The following FBXL17 variants were observed in gnomAD, a reference collection of about 807,000 sequenced individuals.
FBXL17 encodes the protein F-box and leucine rich repeat protein 17.
A neutral mutation model predicts 66.2 loss-of-function variants in FBXL17; 22 were observed. The observed-to-expected ratio is 0.33, with a 90% CI of 0.24 to 0.47. The LOEUF (loss-of-function observed/expected upper bound fraction) is 0.47, where lower values mean the gene tolerates loss of function less well. Among genes scored for constraint, FBXL17 ranks in the 20% least tolerant of loss-of-function variants. FBXL17 has a pLI of 1.00. For missense variants in FBXL17, 878 were observed against 948.2 expected, an observed-to-expected ratio of 0.93 and a Z score of 0.97; for synonymous variants, 474 against 400.5, an observed-to-expected ratio of 1.18 and a Z score of -2.19.
chr5:107,942,957 T>C (rs1026446020), intron 7 of FBXL17, among the ~76,000 whole-genome samples: 2 of 152,188 alleles, frequency 1.3e-5, no homozygotes, highest in African/African-American at 4.8e-5. Flanking sequence ...ATGGACACTT[T>C]TCAGGTCCTC....
intron 4 of FBXL17, among the ~76,000 whole-genome samples, chr5:108,252,271 T>C (rs1263211793): frequency 2.6e-5 from 4 of 152,146 alleles, no homozygotes; most frequent in African/African-American, 9.6e-5. Context: ...TGTAATTTTA[T>C]AACTGGGGGG....
intron 6 of FBXL17, among the ~76,000 whole-genome samples, chr5:108,058,982 C>T (rs1342581480): frequency 2.6e-5 from 4 of 151,068 alleles, no homozygotes; most frequent in Non-Finnish European, 5.9e-5. Context: ...AGGTAGACTT[C>T]ATTCAAATCA....
intron 7 of FBXL17, among the ~76,000 whole-genome samples, chr5:107,962,547 T>C (rs1751956886): frequency 6.6e-6 from 1 of 152,162 alleles, no homozygotes; most frequent in Non-Finnish European, 1.5e-5. Flanking sequence ...CATACATGGA[T>C]ATTATTGCTA....
At chr5:107,956,662 C>T (rs1033203622) in intron 7 of FBXL17, among the ~76,000 whole-genome samples, 1 of 152,090 alleles carries the variant, frequency 6.6e-6, no homozygotes, top group Admixed American at 6.6e-5. Context: ...TTAGTTCAAT[C>T]CCCACAGTGA....
At chr5:107,950,126 G>A (rs116669713) in intron 7 of FBXL17, among the ~76,000 whole-genome samples, 1,852 of 152,236 alleles carry the variant, frequency 0.012, 28 homozygotes, top group Non-Finnish European at 0.019. Flanking sequence ...ATGAAAGGGA[G>A]AGGGTTGTTG....
intron 7 of FBXL17, among the ~76,000 whole-genome samples, chr5:107,910,156 G>C (rs1254226574): frequency 6.6e-6 from 1 of 151,822 alleles, no homozygotes; most frequent in Non-Finnish European, 1.5e-5. Flanking sequence ...GTAAAGGCCT[G>C]GCCATGGGGG....
At chr5:108,176,913 C>T (rs183800134) in intron 6 of FBXL17, among the ~76,000 whole-genome samples, 1 of 152,206 alleles carries the variant, frequency 6.6e-6, no homozygotes, top group Non-Finnish European at 1.5e-5. Context: ...AAAATATCAT[C>T]AATTATTTGA....
chr5:108,020,778 T>C, intron 7 of FBXL17, 147 bp downstream of exon 7: 1 of 560,436 alleles, frequency 1.8e-6, no homozygotes, highest in East Asian at 2.9e-5. Flanking sequence ...ATAATTTTTT[T>C]ATTTTTATTT....
intron 6 of FBXL17, among the ~76,000 whole-genome samples, chr5:108,091,284 A>T (rs1749178655): frequency 6.6e-6 from 1 of 152,250 alleles, no homozygotes; most frequent in Non-Finnish European, 1.5e-5. Context: ...TTTAACATTT[A>T]TTGAGTCCTT....
At chr5:108,021,260 G>T (rs1754590744) in intron 6 of FBXL17, among the ~76,000 whole-genome samples, 1 of 150,046 alleles carries the variant, frequency 6.7e-6, no homozygotes, top group Non-Finnish European at 1.5e-5. Context: ...TGTTACATTT[G>T]GTAATAAAAG....
At chr5:108,196,082 TTAAG>T (rs1170001234) in intron 5 of FBXL17, among the ~76,000 whole-genome samples, 1 of 152,090 alleles carries the variant, frequency 6.6e-6, no homozygotes, top group Non-Finnish European at 1.5e-5. Context: ...GTTAAATTCA[TTAAG>T]TTAGCTAGGT....
chr5:108,081,995 A>G (rs1561400709), intron 6 of FBXL17, among the ~76,000 whole-genome samples: 1 of 152,174 alleles, frequency 6.6e-6, no homozygotes, highest in Non-Finnish European at 1.5e-5. Flanking sequence ...CTCTTCATAG[A>G]GCATAGATAA....
intron 4 of FBXL17, among the ~76,000 whole-genome samples, chr5:108,333,152 A>G (rs996814100): frequency 1.5e-5 from 2 of 135,074 alleles, no homozygotes; most frequent in African/African-American, 3.5e-5. Context: ...ATACCAGTAT[A>G]TATATATATA....
At chr5:108,246,448 T>C (rs1006825219) in intron 4 of FBXL17, among the ~76,000 whole-genome samples, 3 of 152,106 alleles carry the variant, frequency 2.0e-5, no homozygotes, top group Non-Finnish European at 4.4e-5. Flanking sequence ...GCCCAGGAGG[T>C]TGAGGTTGCA....
chr5:108,141,873 C>G (rs1001679164), intron 6 of FBXL17, among the ~76,000 whole-genome samples: 3 of 152,190 alleles, frequency 2.0e-5, no homozygotes, highest in Non-Finnish European at 4.4e-5. Flanking sequence ...AAACCTCACA[C>G]CTCTGTGAAT....
At chr5:108,191,310 C>CTT (rs1753461397) in intron 5 of FBXL17, among the ~76,000 whole-genome samples, 1 of 152,210 alleles carries the variant, frequency 6.6e-6, no homozygotes, top group Non-Finnish European at 1.5e-5. Context: ...TTACCCATCT[C>CTT]TTGCCTTCCT....
chr5:107,971,258 A>T (rs1752361096), intron 7 of FBXL17, among the ~76,000 whole-genome samples: 2 of 152,048 alleles, frequency 1.3e-5, no homozygotes, highest in Admixed American at 1.3e-4. Context: ...CAGCTATCTC[A>T]TTCTGTGTTA....
chr5:107,941,869 A>G (rs1751113703), intron 7 of FBXL17, among the ~76,000 whole-genome samples: 1 of 152,196 alleles, frequency 6.6e-6, no homozygotes, highest in Admixed American at 6.5e-5. Context: ...TTCAGCTGTT[A>G]GAAAAGAAGG....
At chr5:107,936,155 TAG>T (rs1750902825) in intron 7 of FBXL17, among the ~76,000 whole-genome samples, 1 of 28,624 alleles carries the variant, frequency 3.5e-5, no homozygotes, top group African/African-American at 3.2e-4. Context: ...GTTGTATTGA[TAG>T]TTTCTTTTAG....
Sources: allele counts gnomAD v4.1 joint callset (sites outside exome capture counted in the v4.1 genomes callset), GRCh38; gene constraint gnomAD v4.1.1; transcripts MANE v1.5; gene names NCBI Gene and HGNC (gene_info 2026-07-23, HGNC 2026-07-21).